Variants in CDK15 observed in about 807,000 individuals in gnomAD.
CDK15 encodes the protein cyclin-dependent kinase 15.
A neutral mutation model predicts 60.3 loss-of-function variants in CDK15; 62 were observed. The ratio of observed to expected loss-of-function variants is 1.03; its 90% CI spans 0.84 to 1.27. The LOEUF is 1.27. CDK15 is among the 50% of genes most tolerant of loss of function. The probability of loss-of-function intolerance (pLI) is 0.00; values close to 1 mark genes in which losing one functional copy is unlikely to be tolerated. For missense variants in CDK15, 541 were observed against 527.8 expected, an observed-to-expected ratio of 1.03 and a Z score of -0.25; for synonymous variants, 194 against 195.7, an observed-to-expected ratio of 0.99 and a Z score of 0.07.
At chr2:201,880,595 TG>T (rs1699241597) in intron 12 of CDK15, among the ~76,000 whole-genome samples, 1 of 152,180 alleles carries the variant, frequency 6.6e-6, no homozygotes, top group Admixed American at 6.5e-5. Context: ...GAGAGGGAGC[TG>T]GGCCTTTCTT....
Position 201,823,626 on chromosome 2 carries a change from TA to T in CDK15, c.544-36del, listed in dbSNP as rs571065515. 5.1e-5 allele frequency: 81 copies of T among 1,577,358 alleles called. No individual in the cohort carries two copies. The South Asian group carries it at 8.5e-4, about 17-fold the overall frequency. ...CTTTAGGATGCTATCTAAGCACCAC[TA>T]AATTCACTCACTTCTCTTTCTCCGC... On this transcript the variant is annotated intron_variant, in intron 5 of 13. Transcript: ENST00000652192.
intron 11 of CDK15, among the ~76,000 whole-genome samples, chr2:201,874,201 G>C (rs970649141): frequency 1.3e-5 from 2 of 151,864 alleles, no homozygotes; most frequent in Non-Finnish European, 2.9e-5. Context: ...ATTCCATTCT[G>C]TTGCACTAGC....
chr2:201,837,118 T>C (rs1294772899), intron 8 of CDK15, among the ~76,000 whole-genome samples: 1 of 151,814 alleles, frequency 6.6e-6, no homozygotes, highest in Non-Finnish European at 1.5e-5. Flanking sequence ...GGTAGCACAG[T>C]GAGATGCTGT....
In CDK15 at chr2:201,816,095, T is replaced by A. The variant is rs533342427; in HGVS notation, c.448+3533T>A. Among the ~76,000 whole-genome samples the A allele has an allele frequency of 1.4e-4, 21 of 152,366 alleles. 1 individual carries two copies. In the South Asian group the frequency reaches 3.9e-3, roughly 29 times the overall value. The stretch of plus-strand genomic sequence containing the variant: ...ATCTGTTTTTATTATACATTTTATA[T>A]AAACATTAAGGAAAATGCAGAAGAA... On this transcript the variant is annotated intron_variant, in intron 4 of 13. Coordinates refer to ENST00000652192, the MANE Select transcript of CDK15 (RefSeq NM_001366386.2).
At chr2:201,846,956 A>G (rs1009810431) in intron 8 of CDK15, among the ~76,000 whole-genome samples, 5 of 152,252 alleles carry the variant, frequency 3.3e-5, no homozygotes, top group African/African-American at 9.6e-5. Flanking sequence ...TAAGTATAAA[A>G]TGAACATTCT....
intron 6 of CDK15, 45 bp from the exon 7 acceptor site, chr2:201,833,803 C>T (rs765416594): frequency 5.1e-5 from 81 of 1,584,926 alleles, no homozygotes; most frequent in African/African-American, 8.2e-5. Flanking sequence ...GAAATCAGCA[C>T]GTGGTGGCTC....
At chr2:201,854,126 A>G (rs551393397) in intron 9 of CDK15, among the ~76,000 whole-genome samples, 4 of 152,114 alleles carry the variant, frequency 2.6e-5, no homozygotes, top group South Asian at 2.1e-4. Flanking sequence ...GTGAGCCGAG[A>G]TCGCATCACT....
intron 6 of CDK15, among the ~76,000 whole-genome samples, chr2:201,827,446 A>T (rs1250859704): frequency 1.3e-5 from 2 of 152,184 alleles, no homozygotes; most frequent in East Asian, 3.8e-4. Context: ...CCCTGTCCCT[A>T]AAAAAGAAAG....
intron 3 of CDK15, among the ~76,000 whole-genome samples, chr2:201,809,478 C>T (rs893975443): frequency 4.6e-5 from 7 of 152,108 alleles, no homozygotes; most frequent in East Asian, 1.9e-4. Flanking sequence ...TTAGATCTCA[C>T]GAATACTTGA....
Position 201,823,784 on chromosome 2 carries a change from G to T in CDK15, c.606+57G>T, listed in dbSNP as rs551216043. On this transcript the variant is annotated intron_variant, in intron 6 of 13. Coordinates refer to ENST00000652192, the MANE Select transcript of CDK15 (RefSeq NM_001366386.2). The stretch of plus-strand genomic sequence containing the variant: ...GGCTTGCCCACAGAAGGAGAATTCT[G>T]AAACAGACTGTCTCACAAAGCAAAG... 1.7e-5 allele frequency: 25 copies of T among 1,435,216 alleles called. No homozygotes were observed. The Middle Eastern group carries it at 5.3e-4, about 30-fold the overall frequency. 88.9% of individuals were successfully genotyped at this position (1,435,216 alleles called of 1,614,324 possible). A position where few individuals can be genotyped will look rare whatever the true frequency, so the allele number is the denominator to read the frequency against.
chr2:201,837,057 A>C (rs1697125191), intron 8 of CDK15, among the ~76,000 whole-genome samples: 1 of 151,964 alleles, frequency 6.6e-6, no homozygotes, highest in Admixed American at 6.6e-5. Context: ...GCTTTGGGAG[A>C]CCAAGGCTGG....
At chr2:201,867,010 T>C (rs941106471) in intron 10 of CDK15, among the ~76,000 whole-genome samples, 1 of 152,196 alleles carries the variant, frequency 6.6e-6, no homozygotes, top group Admixed American at 6.5e-5. Context: ...AATGTTGTTA[T>C]TCCTGGGGTC....
chr2:201,892,846 G>A (rs1041526073), intron 13 of CDK15, among the ~76,000 whole-genome samples: 13 of 152,196 alleles, frequency 8.5e-5, no homozygotes, highest in African/African-American at 2.4e-4. Context: ...GTAAATTGGC[G>A]TATTAGGACT....
chr2:201,811,100 C>T (rs942403651), intron 3 of CDK15, among the ~76,000 whole-genome samples: 1 of 150,780 alleles, frequency 6.6e-6, no homozygotes, highest in African/African-American at 2.4e-5. Context: ...ACCTCAACCT[C>T]CCAAAGTGCT....
At chr2:201,840,761 T>C (rs1697339787) in intron 8 of CDK15, among the ~76,000 whole-genome samples, 1 of 152,226 alleles carries the variant, frequency 6.6e-6, no homozygotes, top group Admixed American at 6.5e-5. Flanking sequence ...TTTAGCCTTA[T>C]TATCTTCCTT....
chr2:201,811,800 A>T (rs1695780473), intron 3 of CDK15, among the ~76,000 whole-genome samples: 1 of 152,186 alleles, frequency 6.6e-6, no homozygotes. Flanking sequence ...CCTGATTGTC[A>T]TTTGAAAAGT....
At chr2:201,847,499 A>G (rs776375881) in intron 9 of CDK15, 25 bp downstream of exon 9, 1 of 1,595,444 alleles carries the variant, frequency 6.3e-7, no homozygotes, top group Non-Finnish European at 8.6e-7. Flanking sequence ...CTTCTAAAGA[A>G]AATGAAATAT....
intron 9 of CDK15, among the ~76,000 whole-genome samples, chr2:201,851,291 CAAA>C (rs1176883047): frequency 1.1e-4 from 3 of 27,750 alleles, no homozygotes; most frequent in African/African-American, 1.8e-4. Flanking sequence ...GACTTCATCT[CAAA>C]AAAAAAAAAA....
At chr2:201,834,337 G>GTTAA (rs1316480581) in intron 7 of CDK15, among the ~76,000 whole-genome samples, 5 of 152,086 alleles carry the variant, frequency 3.3e-5, no homozygotes. Context: ...TGATAAAGAG[G>GTTAA]TTAACCCCAG....
Sources: gnomAD v4.1 joint callset for allele counts (sites outside exome capture counted in the v4.1 genomes callset) on GRCh38, gnomAD v4.1.1 for gene constraint, MANE v1.5 for transcripts, NCBI Gene and HGNC (gene_info 2026-07-23, HGNC 2026-07-21) for gene names.